Variants in SLCO3A1 observed in about 807,000 individuals in gnomAD.
SLCO3A1 encodes solute carrier organic anion transporter family member 3A1.
Under a neutral mutation model 63.1 loss-of-function variants are expected in SLCO3A1, and 27 were observed. That is an observed-to-expected ratio of 0.43 (90% CI 0.32 to 0.59). The LOEUF is 0.59. Among genes scored for constraint, SLCO3A1 ranks in the 20% least tolerant of loss-of-function variants. SLCO3A1 has a pLI of 0.09. For missense variants in SLCO3A1, 773 were observed against 945.8 expected, an observed-to-expected ratio of 0.82 and a Z score of 2.40; for synonymous variants, 473 against 409.9, an observed-to-expected ratio of 1.15 and a Z score of -1.86.
chr15:91,866,816 A>G (rs370635660), intron 1 of SLCO3A1, among the ~76,000 whole-genome samples: 6 of 152,072 alleles, frequency 3.9e-5, no homozygotes, highest in South Asian at 2.1e-4. Context: ...TGGAAGCCTC[A>G]TGTCTGGTCT....
At chr15:92,149,450 A>G (rs1289187745) in intron 8 of SLCO3A1, 3 of 152,304 alleles carry the variant, frequency 2.0e-5, no homozygotes, top group African/African-American at 7.2e-5. Flanking sequence ...AGAAGAATGG[A>G]CCCACTGTCA....
chr15:92,112,007 T>A (rs1435878092), intron 4 of SLCO3A1, among the ~76,000 whole-genome samples: 1 of 152,224 alleles, frequency 6.6e-6, no homozygotes, highest in Non-Finnish European at 1.5e-5. Flanking sequence ...ACTTGGCTAA[T>A]GCTTCCAGAA....
intron 2 of SLCO3A1, among the ~76,000 whole-genome samples, chr15:91,976,047 A>G (rs1901096026): frequency 6.6e-6 from 1 of 152,174 alleles, no homozygotes; most frequent in Non-Finnish European, 1.5e-5. Context: ...ATTATTTTTA[A>G]TGTTAGATAC....
intron 1 of SLCO3A1, among the ~76,000 whole-genome samples, chr15:91,866,028 C>T (rs918053305): frequency 2.0e-5 from 3 of 152,140 alleles, no homozygotes; most frequent in Non-Finnish European, 4.4e-5. Context: ...CACAGAAATG[C>T]GGACAGTCCC....
At chr15:92,126,329 T>C (rs2047922999) in intron 6 of SLCO3A1, 70 bp downstream of exon 6, 6 of 1,326,322 alleles carry the variant, frequency 4.5e-6, no homozygotes, top group Middle Eastern at 2.1e-4. Flanking sequence ...CTGCAGTAGG[T>C]TGAGGGAACC....
At chr15:91,959,489 G>A (rs1323660856) in intron 2 of SLCO3A1, among the ~76,000 whole-genome samples, 2 of 152,018 alleles carry the variant, frequency 1.3e-5, no homozygotes, top group Non-Finnish European at 2.9e-5. Flanking sequence ...CAGCACTTTG[G>A]GAAGCTGAGG....
chr15:92,126,776 T>C (rs1402530194), intron 6 of SLCO3A1, among the ~76,000 whole-genome samples: 1 of 152,110 alleles, frequency 6.6e-6, no homozygotes, highest in African/African-American at 2.4e-5. Context: ...TTCTTCCTAG[T>C]TTTTATCCCA....
At chr15:92,153,681 T>C (rs1323956297) in intron 9 of SLCO3A1, 1 of 152,356 alleles carries the variant, frequency 6.6e-6, no homozygotes, top group African/African-American at 2.4e-5. Context: ...AAGGGCCTCC[T>C]AATCTTGCCT....
At chr15:91,937,103 T>G (rs542420979) in intron 2 of SLCO3A1, among the ~76,000 whole-genome samples, 1 of 152,284 alleles carries the variant, frequency 6.6e-6, no homozygotes, top group South Asian at 2.1e-4. Context: ...GTGAAGGGTG[T>G]CAGCTGTGTA....
chr15:92,019,517 T>G (rs1023315442), intron 2 of SLCO3A1, among the ~76,000 whole-genome samples: 7 of 152,254 alleles, frequency 4.6e-5, no homozygotes, highest in Admixed American at 2.0e-4. Context: ...GGAGAGCTGG[T>G]GGTGTTTAAG....
At chr15:92,061,620 T>C (rs2047087271) in intron 2 of SLCO3A1, among the ~76,000 whole-genome samples, 1 of 152,112 alleles carries the variant, frequency 6.6e-6, no homozygotes. Flanking sequence ...CTAAGAAAGC[T>C]AAGAGGTGGA....
intron 4 of SLCO3A1, among the ~76,000 whole-genome samples, chr15:92,107,431 C>T (rs1404520619): frequency 6.6e-6 from 1 of 152,152 alleles, no homozygotes; most frequent in Non-Finnish European, 1.5e-5. Context: ...CGAGCTTTTC[C>T]ACCAAAAGCA....
intron 1 of SLCO3A1, among the ~76,000 whole-genome samples, chr15:91,899,919 A>G (rs1898109503): frequency 6.6e-6 from 1 of 152,254 alleles, no homozygotes; most frequent in South Asian, 2.1e-4. Flanking sequence ...AATCTACATC[A>G]TAGCATGTAT....
Position 92,100,086 on chromosome 15 carries a change from A to G in SLCO3A1, c.746-4193A>G, listed in dbSNP as rs558745819. Reference sequence around the variant, plus strand: ...ATCTCAAAAAAAAAAAACAAAAAACAAAAAAACGGAAAATGGATCTAGAAA... The same window carrying G: ...ATCTCAAAAAAAAAAAACAAAAAACGAAAAAACGGAAAATGGATCTAGAAA... On this transcript the variant is annotated intron_variant, in intron 3 of 9. Transcript: ENST00000318445. Among the ~76,000 whole-genome samples the G allele has an allele frequency of 3.9e-5, 6 of 151,998 alleles. No homozygotes were observed. The South Asian group carries it at 1.2e-3, about 32-fold the overall frequency.
Position 91,959,583 on chromosome 15 carries a change from T to A in SLCO3A1, c.646+43125T>A, listed in dbSNP as rs564731206. Among the ~76,000 whole-genome samples the A allele has an allele frequency of 2.0e-5, 3 of 151,306 alleles. No individual in the cohort carries two copies. The South Asian group carries it at 6.3e-4, about 32-fold the overall frequency. On this transcript the variant is annotated intron_variant, in intron 2 of 9. Transcript: ENST00000318445. ...CATCTCTCCTAAAAATACAAAAAAA[T>A]TCGCTGGGTGTGGTGGTGGGCACCT...
chr15:92,160,916 T>G (rs1364940743), intron 9 of SLCO3A1, among the ~76,000 whole-genome samples: 3 of 152,176 alleles, frequency 2.0e-5, no homozygotes, highest in Non-Finnish European at 2.9e-5. Flanking sequence ...CAATCATGGA[T>G]GGACTTCAGG....
chr15:91,880,166 C>CTATCTATCT lies in SLCO3A1; in HGVS notation c.180+26078_180+26079insTATCTATCT, dbSNP rs1555446413. Among the ~76,000 whole-genome samples, 547 of 132,452 alleles carry CTATCTATCT rather than the reference C, an allele frequency of 4.1e-3. 4 individuals carry two copies. Among genetic ancestry groups the CTATCTATCT allele is most frequent in the African/African-American group, 0.011 (357 of 33,568 alleles). The allele number at this position is 132,452 out of a possible 152,430, so 86.9% of individuals were successfully genotyped here. ...CCATCCATCCATCCATCCATCCATCCATCCATCTATCTATCTATCTATCTA... is the reference window on the plus strand; with the variant it reads ...CCATCCATCCATCCATCCATCCATCCTATCTATCTATCCATCTATCTATCTATCTATCTA... On this transcript the variant is annotated intron_variant, in intron 1 of 9. Transcript: ENST00000318445.
chr15:92,164,159 G>A lies in SLCO3A1; in HGVS notation c.*1024G>A. The A allele has an allele frequency of 2.0e-6, 2 of 985,060 alleles. No individual in the cohort carries two copies. Among genetic ancestry groups the A allele is most frequent in the Non-Finnish European group, 2.4e-6 (2 of 829,674 alleles). 61.0% of individuals were successfully genotyped at this position (985,060 alleles called of 1,614,324 possible). On this transcript the variant is annotated 3_prime_UTR_variant, in exon 10 of 10. Transcript: ENST00000318445. The stretch of plus-strand genomic sequence containing the variant: ...GTCACTAACACAGTTCTCTAGGCCG[G>A]ATTTATTATGCTGGTTGCTTTTACT...
chr15:92,069,334 C>A (rs559805930), intron 2 of SLCO3A1, among the ~76,000 whole-genome samples: 20 of 152,074 alleles, frequency 1.3e-4, no homozygotes, highest in African/African-American at 4.8e-4. Context: ...CAGATAGATA[C>A]GCAGATAATT....
Sources: allele counts gnomAD v4.1 joint callset (sites outside exome capture counted in the v4.1 genomes callset), GRCh38; gene constraint gnomAD v4.1.1; transcripts MANE v1.5; gene names NCBI Gene and HGNC (gene_info 2026-07-23, HGNC 2026-07-21).